Variants in CLEC16A observed in about 807,000 individuals in gnomAD.
CLEC16A encodes protein CLEC16A.
A neutral mutation model predicts 109.5 loss-of-function variants in CLEC16A; 51 were observed. The ratio of observed to expected loss-of-function variants is 0.47; its 90% CI spans 0.37 to 0.59. The LOEUF (loss-of-function observed/expected upper bound fraction) is 0.59, where lower values mean the gene tolerates loss of function less well. Ranked by LOEUF, CLEC16A falls within the 20% of genes least tolerant of loss-of-function variation. The pLI is 0.00. For missense variants in CLEC16A, 1,339 were observed against 1,394.0 expected, an observed-to-expected ratio of 0.96 and a Z score of 0.63; for synonymous variants, 673 against 564.2, an observed-to-expected ratio of 1.19 and a Z score of -2.73.
At chr16:10,955,905 C>T (rs1373640538) in intron 1 of CLEC16A, among the ~76,000 whole-genome samples, 1 of 152,186 alleles carries the variant, frequency 6.6e-6, no homozygotes, top group Non-Finnish European at 1.5e-5. Context: ...ACCAAAAGTC[C>T]AATTCAATGG....
chr16:11,178,366 T>G lies in CLEC16A; in HGVS notation c.2838T>G (p.Pro946=), dbSNP rs768161406. The change falls in exon 24 of 24, where the codon CCT becomes CCG. Residue 946 remains proline (P), a synonymous_variant. Coordinates refer to ENST00000409790, the MANE Select transcript of CLEC16A (RefSeq NM_015226.3). The surrounding 1 kb of genome is among the most constrained non-coding windows in gnomAD (Gnocchi z 6.5). ...CCATGAGTCCAGAACTGCCTAAGCC[T>G]CACCTTCCTGACCAGTTGGTAATCG... ...DAPMSPELPK[P]HLPDQLVIVN... is the part of the protein sequence containing the mutation. 1 of 1,613,454 alleles carries G rather than the reference T, an allele frequency of 6.2e-7. No individual in the cohort carries two copies. Among genetic ancestry groups the G allele is most frequent in the Non-Finnish European group, 8.5e-7 (1 of 1,179,656 alleles).
In CLEC16A at chr16:10,969,295, T is replaced by G; in HGVS notation, c.478T>G (p.Phe160Val). ...AAAACTCAACAACCACACTGTCCAT[T>G]TCTTTTATAATGAGGTAAGTAATTG... ...SLKLNNHTVH[F>V]FYNEHTNDFA... The change falls in exon 4 of 24, where the codon TTC becomes GTC. Residue 160 changes from phenylalanine to valine, a missense_variant. Physicochemically the swap from Phe to Val is conservative, Grantham distance 50. This residue lies in a region of CLEC16A where 161 missense variants were observed against 267.1 expected (regional missense o/e 0.60). Transcript: ENST00000409790. 6.2e-7 allele frequency: 1 copy of G among 1,609,970 alleles called. No homozygotes were observed. The highest frequency in any genetic ancestry group is 8.5e-7 in the Non-Finnish European group (1 of 1,178,226).
intron 23 of CLEC16A, among the ~76,000 whole-genome samples, chr16:11,175,960 C>T (rs1489218240): frequency 6.6e-6 from 1 of 152,260 alleles, no homozygotes. Flanking sequence ...CGCTTGGCTA[C>T]TTTGTCTCCA....
intron 20 of CLEC16A, 47 bp from the exon 21 acceptor site, chr16:11,123,695 C>CCT: frequency 6.3e-7 from 1 of 1,589,520 alleles, no homozygotes; most frequent in Non-Finnish European, 8.6e-7. Flanking sequence ...TAGCCACCCT[C>CCT]CTCCCAAACC....
intron 12 of CLEC16A, among the ~76,000 whole-genome samples, chr16:11,022,804 C>A (rs2046189589): frequency 6.6e-6 from 1 of 151,558 alleles, no homozygotes; most frequent in African/African-American, 2.4e-5. Flanking sequence ...GAGGCTGAGG[C>A]AGGAGAATGG....
chr16:11,105,923 C>T (rs1176770190), intron 19 of CLEC16A, among the ~76,000 whole-genome samples: 1 of 152,186 alleles, frequency 6.6e-6, no homozygotes, highest in East Asian at 1.9e-4. Flanking sequence ...GAAGATTCTG[C>T]AGAGTTAAGA....
chr16:11,076,409 T>A (rs1220929854), intron 19 of CLEC16A, among the ~76,000 whole-genome samples: 1 of 151,942 alleles, frequency 6.6e-6, no homozygotes. Context: ...AAAACAGGAA[T>A]TCATGGGGGG....
At chr16:11,038,012 T>A (rs1410099122) in intron 13 of CLEC16A, among the ~76,000 whole-genome samples, 4 of 152,092 alleles carry the variant, frequency 2.6e-5, no homozygotes, top group African/African-American at 9.7e-5. Context: ...GCAATGAAAT[T>A]TTTTGAGGAA....
At chr16:11,047,364 A>T (rs1330552015) in intron 17 of CLEC16A, 22 bp downstream of exon 17, 1 of 1,594,846 alleles carries the variant, frequency 6.3e-7, no homozygotes. Context: ...GCTGGGACAC[A>T]CTTGGGCTGG....
rs919528706 is a variant in CLEC16A at position 11,115,454 on chromosome 16, C to T, written c.2117-5161C>T. Among the ~76,000 whole-genome samples, 6 of 152,184 alleles carry T rather than the reference C, an allele frequency of 3.9e-5. No homozygotes were observed. In the East Asian group the frequency reaches 5.8e-4, roughly 15 times the overall value. ...TGGTGTGATCACGGCTCTCTATAGC[C>T]TCAACCTCCCTGGGCTCAAGTGATC... On this transcript the variant is annotated intron_variant, in intron 19 of 23. Coordinates refer to ENST00000409790, the MANE Select transcript of CLEC16A (RefSeq NM_015226.3).
At chr16:11,101,121 G>T (rs80295118) in intron 19 of CLEC16A, among the ~76,000 whole-genome samples, 1 of 152,098 alleles carries the variant, frequency 6.6e-6, no homozygotes, top group Non-Finnish European at 1.5e-5. Flanking sequence ...CTCTTTGTTC[G>T]TGTTATATTT....
chr16:11,155,015 C>G (rs377578609), intron 22 of CLEC16A, among the ~76,000 whole-genome samples: 2 of 150,422 alleles, frequency 1.3e-5, no homozygotes, highest in South Asian at 2.1e-4. Context: ...CCCAGCTACA[C>G]GGGAGGCTGA....
rs766249160 is a variant in CLEC16A at position 11,003,112 on chromosome 16, G to C, written c.1110G>C (p.Glu370Asp). The C allele has an allele frequency of 6.2e-7, 1 of 1,613,684 alleles. No homozygotes were observed. Among genetic ancestry groups the C allele is most frequent in the South Asian group, 1.1e-5 (1 of 91,016 alleles). ...PSIRCFIKPT[E>D]TLERSLEMNK... ...TTCGGTGCTTCATTAAACCCACCGA[G>C]ACACTCGAGCGGTCCCTTGAGATGA... The change falls in exon 11 of 24, where the codon GAG becomes GAC. Residue 370 changes from glutamate (E) to aspartate (D), a missense_variant. Physicochemically the swap from Glu to Asp is conservative, Grantham distance 45. Transcript: ENST00000409790.
At chr16:11,173,542 GGGAGAGGCTCGT>G (rs1403109655) in intron 23 of CLEC16A, among the ~76,000 whole-genome samples, 12 of 152,284 alleles carry the variant, frequency 7.9e-5, no homozygotes, top group African/African-American at 1.4e-4. Context: ...AGGTGGCTGA[GGGAGAGGCTCGT>G]GGAGAGGCTC....
intron 11 of CLEC16A, among the ~76,000 whole-genome samples, chr16:11,016,451 C>T (rs1030364517): frequency 5.3e-5 from 8 of 151,622 alleles, no homozygotes; most frequent in East Asian, 3.9e-4. Flanking sequence ...TGGGTTCAAG[C>T]GATTCTCATG....
intron 13 of CLEC16A, among the ~76,000 whole-genome samples, chr16:11,030,914 A>T (rs139863346): frequency 3.3e-5 from 5 of 152,150 alleles, no homozygotes; most frequent in African/African-American, 4.8e-5. Flanking sequence ...AGAGTTCTTT[A>T]TGTATTTTGA....
At chr16:11,067,577 T>C in intron 19 of CLEC16A, among the ~76,000 whole-genome samples, 1 of 152,170 alleles carries the variant, frequency 6.6e-6, no homozygotes, top group Non-Finnish European at 1.5e-5. Context: ...ATGCAGGCCC[T>C]GTGGGCATAT....
chr16:11,161,287 G>A (rs2054712961), intron 22 of CLEC16A, among the ~76,000 whole-genome samples: 1 of 152,224 alleles, frequency 6.6e-6, no homozygotes. Flanking sequence ...GGACAGAGCT[G>A]CTGCAGAAGC....
chr16:10,969,329 G>C lies in CLEC16A; in HGVS notation c.492+20G>C. Reference sequence around the variant, plus strand: ...AATGAGGTAAGTAATTGCCAGAGGGGCACGTGTGGGTGTAAAGCCACACGT... The same window carrying C: ...AATGAGGTAAGTAATTGCCAGAGGGCCACGTGTGGGTGTAAAGCCACACGT... On this transcript the variant is annotated intron_variant, in intron 4 of 23. Transcript: ENST00000409790. 6.4e-7 allele frequency: 1 copy of C among 1,568,618 alleles called. No individual in the cohort carries two copies. The highest frequency in any genetic ancestry group is 8.6e-7 in the Non-Finnish European group (1 of 1,161,374).
Sources: allele counts gnomAD v4.1 joint callset (sites outside exome capture counted in the v4.1 genomes callset), GRCh38; gene constraint gnomAD v4.1.1; regional missense constraint gnomAD v4.1.1; non-coding constraint Gnocchi (gnomAD v3.1); transcripts MANE v1.5; gene names NCBI Gene and HGNC (gene_info 2026-07-23, HGNC 2026-07-21).